FOXN3: variants seen among roughly 807,000 people sequenced by gnomAD.
The protein encoded by FOXN3 is forkhead box protein N3.
A neutral mutation model predicts 38.4 loss-of-function variants in FOXN3; 7 were observed. The ratio of observed to expected loss-of-function variants is 0.18; its 90% CI spans 0.10 to 0.34. The LOEUF (loss-of-function observed/expected upper bound fraction) is 0.34. Among genes scored for constraint, FOXN3 ranks in the 10% least tolerant of loss-of-function variants. The pLI is 1.00. For missense variants in FOXN3, 456 were observed against 613.4 expected, an observed-to-expected ratio of 0.74 and a Z score of 2.71; for synonymous variants, 230 against 242.2, an observed-to-expected ratio of 0.95 and a Z score of 0.47.
chr14:89,562,770 T>A (rs1895275582), intron 1 of FOXN3, among the ~76,000 whole-genome samples: 1 of 152,204 alleles, frequency 6.6e-6, no homozygotes, highest in African/African-American at 2.4e-5. Flanking sequence ...CCAGGTTACA[T>A]CCTCATGAGG....
intron 3 of FOXN3, chr14:89,350,412 G>A (rs760400676): frequency 4.5e-5 from 14 of 314,450 alleles, no homozygotes; most frequent in African/African-American, 1.3e-4. Flanking sequence ...ACTTTTCTTT[G>A]TAAATGTTTC....
chr14:89,487,650 T>G (rs1450797855), intron 1 of FOXN3, among the ~76,000 whole-genome samples: 1 of 152,140 alleles, frequency 6.6e-6, no homozygotes, highest in Non-Finnish European at 1.5e-5. Context: ...GGACAAAGCA[T>G]AGAGTTAGGG....
At chr14:89,288,004 T>C (rs1596155839) in intron 3 of FOXN3, among the ~76,000 whole-genome samples, 1 of 151,974 alleles carries the variant, frequency 6.6e-6, no homozygotes, top group African/African-American at 2.4e-5. Context: ...AAAGCTGCAG[T>C]GAGCCTTGAT....
chr14:89,179,589 C>G (rs1249390074), intron 5 of FOXN3, among the ~76,000 whole-genome samples: 13 of 152,166 alleles, frequency 8.5e-5, no homozygotes, highest in Non-Finnish European at 1.9e-4. Context: ...CGGCATCAGA[C>G]AACTGATTGA....
chr14:89,207,920 G>A (rs938283415), intron 4 of FOXN3, among the ~76,000 whole-genome samples: 1 of 151,604 alleles, frequency 6.6e-6, no homozygotes, highest in Non-Finnish European at 1.5e-5. Context: ...TTAAACAGTG[G>A]TTAAACCTGG....
At chr14:89,246,476 T>G (rs983856106) in intron 4 of FOXN3, among the ~76,000 whole-genome samples, 5 of 151,264 alleles carry the variant, frequency 3.3e-5, no homozygotes, top group African/African-American at 1.2e-4. Flanking sequence ...GGGCAGAGAA[T>G]CTCATCTGAG....
At chr14:89,405,286 G>A (rs539132744) in intron 2 of FOXN3, among the ~76,000 whole-genome samples, 6 of 152,044 alleles carry the variant, frequency 3.9e-5, no homozygotes, top group Non-Finnish European at 5.9e-5. Flanking sequence ...ACAGGCGCCC[G>A]CCACCAGACC....
chr14:89,465,892 C>T (rs1447298071), intron 1 of FOXN3, among the ~76,000 whole-genome samples: 1 of 152,182 alleles, frequency 6.6e-6, no homozygotes, highest in Non-Finnish European at 1.5e-5. Context: ...ACATTGTTTC[C>T]AGTTTTTAGG....
At chr14:89,279,787 C>T (rs1886403286) in intron 4 of FOXN3, among the ~76,000 whole-genome samples, 1 of 152,174 alleles carries the variant, frequency 6.6e-6, no homozygotes, top group Admixed American at 6.5e-5. Flanking sequence ...CGCTTGATTT[C>T]CCAATTTCAC....
intron 1 of FOXN3, among the ~76,000 whole-genome samples, chr14:89,428,333 C>A (rs1034252083): frequency 6.6e-6 from 1 of 152,168 alleles, no homozygotes; most frequent in Non-Finnish European, 1.5e-5. Flanking sequence ...AATCCTCACT[C>A]CTTCCCAAAA....
At chr14:89,277,519 A>ACCTC (rs1886334827) in intron 4 of FOXN3, among the ~76,000 whole-genome samples, 2 of 152,198 alleles carry the variant, frequency 1.3e-5, no homozygotes, top group African/African-American at 4.8e-5. Flanking sequence ...TGCCTGGTGT[A>ACCTC]ATCCAAACCA....
intron 1 of FOXN3, among the ~76,000 whole-genome samples, chr14:89,444,926 G>T (rs1178340888): frequency 1.3e-5 from 2 of 152,006 alleles, no homozygotes; most frequent in East Asian, 3.9e-4. Flanking sequence ...TTCAAGACCA[G>T]CCTGGGCAAC....
chr14:89,526,399 G>C (rs1894433123), intron 1 of FOXN3, among the ~76,000 whole-genome samples: 1 of 152,150 alleles, frequency 6.6e-6, no homozygotes, highest in African/African-American at 2.4e-5. Flanking sequence ...GAACTAGTAA[G>C]TGAGTTCAGC....
intron 1 of FOXN3, among the ~76,000 whole-genome samples, chr14:89,478,046 C>T (rs1277439288): frequency 6.6e-6 from 1 of 152,084 alleles, no homozygotes; most frequent in Admixed American, 6.5e-5. Flanking sequence ...GGAGGTGTGG[C>T]CTGGTGGAGG....
intron 4 of FOXN3, among the ~76,000 whole-genome samples, chr14:89,212,168 T>C (rs970113636): frequency 5.3e-5 from 8 of 152,204 alleles, no homozygotes; most frequent in African/African-American, 1.4e-4. Flanking sequence ...ATTTCTGTTG[T>C]TTAAGCCACC....
At chr14:89,437,127 C>T (rs979255577) in intron 1 of FOXN3, among the ~76,000 whole-genome samples, 9 of 151,702 alleles carry the variant, frequency 5.9e-5, no homozygotes, top group South Asian at 2.1e-4. Context: ...GAGCCAAGAT[C>T]GCGCCACTGC....
At chr14:89,465,470 C>G (rs1181347817) in intron 1 of FOXN3, among the ~76,000 whole-genome samples, 1 of 152,170 alleles carries the variant, frequency 6.6e-6, no homozygotes, top group African/African-American at 2.4e-5. Context: ...CCTCGTGATC[C>G]ACCCTCCTCC....
At chr14:89,501,763 G>T (rs760206305) in intron 1 of FOXN3, among the ~76,000 whole-genome samples, 6 of 152,128 alleles carry the variant, frequency 3.9e-5, no homozygotes, top group Non-Finnish European at 8.8e-5. Flanking sequence ...CAGGAGAATC[G>T]CTTGAACCTG....
chr14:89,368,284 C>T (rs1240627460), intron 2 of FOXN3, among the ~76,000 whole-genome samples: 2 of 147,160 alleles, frequency 1.4e-5, no homozygotes, highest in African/African-American at 5.0e-5. Context: ...GAACCAAGAT[C>T]ACCCCATTGC....
Sources: allele counts gnomAD v4.1 joint callset (sites outside exome capture counted in the v4.1 genomes callset), GRCh38; gene constraint gnomAD v4.1.1; transcripts MANE v1.5; gene names NCBI Gene and HGNC (gene_info 2026-07-23, HGNC 2026-07-21).